The following RAB27B variants were observed in gnomAD, a reference collection of about 807,000 sequenced individuals.
The protein encoded by RAB27B is ras-related protein Rab-27B.
A neutral mutation model predicts 24.6 loss-of-function variants in RAB27B; 15 were observed. That is an observed-to-expected ratio of 0.61 (90% CI 0.41 to 0.94). The LOEUF (loss-of-function observed/expected upper bound fraction) is 0.94. Among genes scored for constraint, RAB27B ranks in the 40% least tolerant of loss-of-function variants. The probability of loss-of-function intolerance (pLI) is 0.00; values close to 1 mark genes in which losing one functional copy is unlikely to be tolerated. For synonymous variants in RAB27B, 105 were observed against 92.5 expected, an observed-to-expected ratio of 1.14 and a Z score of -0.78; for missense variants, 261 against 266.8, an observed-to-expected ratio of 0.98 and a Z score of 0.15.
At chr18:54,888,616 T>TAA (rs893902941) in intron 5 of RAB27B, among the ~76,000 whole-genome samples, 1 of 145,714 alleles carries the variant, frequency 6.9e-6, no homozygotes, top group African/African-American at 2.5e-5. Flanking sequence ...AATGGCAGCT[T>TAA]AAAAAAAAAA....
intron 2 of RAB27B, among the ~76,000 whole-genome samples, chr18:54,722,365 A>T (rs910985496): frequency 6.6e-6 from 1 of 152,170 alleles, no homozygotes; most frequent in Non-Finnish European, 1.5e-5. Context: ...TTATTTCCCC[A>T]GAAACCACCA....
intron 2 of RAB27B, among the ~76,000 whole-genome samples, chr18:54,733,281 C>T (rs1303201747): frequency 6.6e-6 from 1 of 152,140 alleles, no homozygotes; most frequent in Non-Finnish European, 1.5e-5. Context: ...CTCCTCAGCT[C>T]AAGTGATCCT....
intron 5 of RAB27B, 72 bp from the exon 6 acceptor site, chr18:54,889,152 T>C: frequency 7.3e-7 from 1 of 1,374,162 alleles, no homozygotes; most frequent in Non-Finnish European, 9.7e-7. Context: ...CATGTGTGAT[T>C]CACTTGTACA....
intron 4 of RAB27B, among the ~76,000 whole-genome samples, chr18:54,885,661 G>T (rs1024332138): frequency 6.6e-6 from 1 of 151,946 alleles, no homozygotes; most frequent in Non-Finnish European, 1.5e-5. Flanking sequence ...TATAGGTCAT[G>T]GCCATCACCT....
Position 54,727,651 on chromosome 18 carries a change from G to T in RAB27B, c.-20+9510G>T, listed in dbSNP as rs1170424037. Among the ~76,000 whole-genome samples the T allele has an allele frequency of 3.3e-5, 5 of 152,116 alleles. No homozygotes were observed. In the East Asian group the frequency reaches 7.7e-4, roughly 23 times the overall value. On this transcript the variant is annotated intron_variant, in intron 2 of 4. Transcript: ENST00000586570. ...TACTAAATAAAGATAGTTGTATATT[G>T]TTTTAAACAAATTTAGATTTGCCTT...
At chr18:54,718,297 TG>T (rs761691702) in intron 2 of RAB27B, among the ~76,000 whole-genome samples, 10 of 152,038 alleles carry the variant, frequency 6.6e-5, no homozygotes, top group Non-Finnish European at 1.2e-4. Flanking sequence ...CCGCTAATGA[TG>T]GGCCTGAAAC....
intron 2 of RAB27B, among the ~76,000 whole-genome samples, chr18:54,751,272 T>C (rs1374037956): frequency 6.6e-6 from 1 of 152,030 alleles, no homozygotes; most frequent in Admixed American, 6.6e-5. Context: ...CACTTAGTGG[T>C]TGGCTGACAA....
At chr18:54,761,847 C>T (rs1294615774) in intron 2 of RAB27B, among the ~76,000 whole-genome samples, 2 of 152,128 alleles carry the variant, frequency 1.3e-5, no homozygotes, top group Non-Finnish European at 2.9e-5. Context: ...AGCAGATTGA[C>T]TAGTGTCCCT....
chr18:54,834,461 G>A (rs963142761), intron 1 of RAB27B, among the ~76,000 whole-genome samples: 3 of 152,122 alleles, frequency 2.0e-5, no homozygotes, highest in African/African-American at 7.2e-5. Flanking sequence ...GGTAAGGGTT[G>A]ATTATTTTAA....
chr18:54,889,495 A>T lies in RAB27B; in HGVS notation c.*82A>T. ...ATGACAAACCACACAATTGTTGTTG[A>T]GTAAACCACGCACAATGGCATGTCT... is the stretch of plus-strand genomic sequence containing the variant. On this transcript the variant is annotated 3_prime_UTR_variant, in exon 6 of 6. Coordinates refer to ENST00000262094, the MANE Select transcript of RAB27B (RefSeq NM_004163.4). 7.8e-7 allele frequency: 1 copy of T among 1,277,746 alleles called. No homozygotes were observed. The highest frequency in any genetic ancestry group is 2.5e-5 in the East Asian group (1 of 39,292). 79.2% of individuals were successfully genotyped at this position (1,277,746 alleles called of 1,614,324 possible).
intron 1 of RAB27B, among the ~76,000 whole-genome samples, chr18:54,850,336 A>G (rs1403449785): frequency 2.5e-5 from 1 of 39,348 alleles, no homozygotes; most frequent in Admixed American, 2.6e-4. Flanking sequence ...CAAACAGGAT[A>G]TATATATATA....
intron 2 of RAB27B, among the ~76,000 whole-genome samples, chr18:54,764,973 CT>C (rs1432227608): frequency 2.0e-5 from 3 of 152,170 alleles, no homozygotes; most frequent in African/African-American, 7.2e-5. Context: ...CACTGTGCTT[CT>C]TTTATTCACA....
At chr18:54,790,836 T>G (rs1391974360) in intron 2 of RAB27B, among the ~76,000 whole-genome samples, 1 of 152,206 alleles carries the variant, frequency 6.6e-6, no homozygotes, top group Non-Finnish European at 1.5e-5. Context: ...TTAGCACTTG[T>G]AGAATTATCT....
rs577851510 is a variant in RAB27B at position 54,793,275 on chromosome 18, G to A, written c.-20+75134G>A. ...AGCAGACAAAACAGAAACAGAATTC[G>A]TTGGATTAAAAATATTTCAACTCCA... On this transcript the variant is annotated intron_variant, in intron 2 of 4. Transcript: ENST00000586570. Among the ~76,000 whole-genome samples the A allele has an allele frequency of 3.9e-5, 6 of 152,212 alleles. No individual in the cohort carries two copies. The South Asian group carries it at 6.2e-4, about 16-fold the overall frequency.
intron 2 of RAB27B, among the ~76,000 whole-genome samples, chr18:54,759,712 C>G (rs938509211): frequency 3.3e-5 from 5 of 152,176 alleles, no homozygotes; most frequent in Non-Finnish European, 7.4e-5. Context: ...CCAGGCTCTA[C>G]TGGCAGAGGG....
chr18:54,746,629 A>G (rs1910257597), intron 2 of RAB27B, among the ~76,000 whole-genome samples: 1 of 152,168 alleles, frequency 6.6e-6, no homozygotes, highest in Non-Finnish European at 1.5e-5. Flanking sequence ...GGAATAAATC[A>G]GCTTTGATGC....
chr18:54,728,889 A>AAAAC (rs1909631610), intron 2 of RAB27B, among the ~76,000 whole-genome samples: 1 of 102,198 alleles, frequency 9.8e-6, no homozygotes, highest in African/African-American at 3.5e-5. Context: ...AAAAAAAAAA[A>AAAAC]AAAAAAAAAA....
At chr18:54,728,241 G>A (rs1416476302) in intron 2 of RAB27B, among the ~76,000 whole-genome samples, 1 of 152,178 alleles carries the variant, frequency 6.6e-6, no homozygotes, top group Non-Finnish European at 1.5e-5. Context: ...CTACAGAAAA[G>A]CCTTTAGACT....
intron 2 of RAB27B, among the ~76,000 whole-genome samples, chr18:54,798,372 T>A (rs1042762881): frequency 2.6e-5 from 4 of 152,240 alleles, no homozygotes; most frequent in Non-Finnish European, 5.9e-5. Flanking sequence ...GTTGCACAAC[T>A]CTTCCATTTT....
Sources: allele counts gnomAD v4.1 joint callset (sites outside exome capture counted in the v4.1 genomes callset), GRCh38; gene constraint gnomAD v4.1.1; transcripts MANE v1.5; gene names NCBI Gene and HGNC (gene_info 2026-07-23, HGNC 2026-07-21).